The following DDAH1 variants were observed in gnomAD, a reference collection of about 807,000 sequenced individuals.
DDAH1 encodes the protein N(G),N(G)-dimethylarginine dimethylaminohydrolase 1.
In DDAH1, 19 loss-of-function variants were observed where a neutral mutation model predicts 28.8. That is an observed-to-expected ratio of 0.66 (90% confidence interval 0.46 to 0.97). The LOEUF (loss-of-function observed/expected upper bound fraction) is 0.97, where lower values mean the gene tolerates loss of function less well. Ranked by LOEUF, DDAH1 falls within the 50% of genes least tolerant of loss-of-function variation. The pLI, the probability that DDAH1 is intolerant of heterozygous loss-of-function variation, is 0.00. For synonymous variants in DDAH1, 153 were observed against 154.4 expected, an observed-to-expected ratio of 0.99 and a Z score of 0.07; for missense variants, 326 against 375.9, an observed-to-expected ratio of 0.87 and a Z score of 1.10.
intron 2 of DDAH1, among the ~76,000 whole-genome samples, chr1:85,474,292 A>C (rs1000511920): frequency 6.6e-6 from 1 of 152,170 alleles, no homozygotes; most frequent in East Asian, 1.9e-4. Context: ...TGAACTGCAA[A>C]TCTAACTGCC....
chr1:85,557,623 G>A (rs1365876784), intron 1 of DDAH1, among the ~76,000 whole-genome samples: 2 of 152,116 alleles, frequency 1.3e-5, no homozygotes, highest in Non-Finnish European at 2.9e-5. Flanking sequence ...AGTGTTATGG[G>A]CTAAATTGTG....
At position 85,464,401 on chromosome 1, in the gene DDAH1, G is replaced by C. The variant is rs1405276839; in HGVS notation, c.303+342C>G. 8.1e-7 allele frequency: 1 copy of C among 1,234,948 alleles called. No individual in the cohort carries two copies. Among genetic ancestry groups the C allele is most frequent in the Non-Finnish European group, 1.1e-6 (1 of 919,286 alleles). 76.5% of individuals were successfully genotyped at this position (1,234,948 alleles called of 1,614,324 possible). ...CGGAGCGGCACCCCTCGCGGCCCTC[G>C]CTCCCTGGGAAACACTCAGAGTTGC... On this transcript the variant is annotated intron_variant, in intron 1 of 5. Transcript: ENST00000284031. The surrounding 1 kb of genome is among the most constrained non-coding windows in gnomAD (Gnocchi z 4.4).
chr1:85,454,747 A>G (rs1271299377), intron 1 of DDAH1, among the ~76,000 whole-genome samples: 1 of 152,178 alleles, frequency 6.6e-6, no homozygotes, highest in African/African-American at 2.4e-5. Flanking sequence ...GACCCACTAA[A>G]TTGATTTCAT....
intron 1 of DDAH1, among the ~76,000 whole-genome samples, chr1:85,373,068 TTG>T (rs1650469064): frequency 6.6e-6 from 1 of 152,170 alleles, no homozygotes; most frequent in Non-Finnish European, 1.5e-5. Flanking sequence ...TATTCAAATC[TTG>T]AAATAAGTCC....
At position 85,545,656 on chromosome 1, in the gene DDAH1, T is replaced by A. The variant is rs1162107968; in HGVS notation, c.-123+32328A>T. Among the ~76,000 whole-genome samples, 3 of 152,260 alleles carry A rather than the reference T, an allele frequency of 2.0e-5. No individual in the cohort carries two copies. The East Asian group carries it at 5.8e-4, about 29-fold the overall frequency. ...CCCTTTCTTAATTTCCTTCCCCTCCTCCTAATTTTCTCCTAGCCCAAATAA... is the reference window on the plus strand; with the variant it reads ...CCCTTTCTTAATTTCCTTCCCCTCCACCTAATTTTCTCCTAGCCCAAATAA... On this transcript the variant is annotated intron_variant, in intron 1 of 6. Coordinates refer to the DDAH1 transcript ENST00000426972.
At chr1:85,501,279 G>C (rs763412708) in intron 1 of DDAH1, among the ~76,000 whole-genome samples, 2 of 152,114 alleles carry the variant, frequency 1.3e-5, no homozygotes, top group Non-Finnish European at 2.9e-5. Context: ...TGAGTCCAGG[G>C]CTAGAGTAGC....
At chr1:85,521,053 T>C (rs1187451954) in intron 1 of DDAH1, among the ~76,000 whole-genome samples, 3 of 152,174 alleles carry the variant, frequency 2.0e-5, no homozygotes, top group African/African-American at 7.2e-5. Context: ...CAGGTACAGT[T>C]ATTTAATAGA....
intron 1 of DDAH1, among the ~76,000 whole-genome samples, chr1:85,449,144 A>T (rs749520559): frequency 1.3e-4 from 20 of 152,236 alleles, no homozygotes; most frequent in Non-Finnish European, 2.4e-4. Flanking sequence ...GACTCTGGGC[A>T]AAACAAAGAA....
chr1:85,495,146 T>G (rs529733627), intron 2 of DDAH1: 2 of 133,324 alleles, frequency 1.5e-5, no homozygotes, highest in Non-Finnish European at 3.2e-5. Context: ...GAGCAACAGA[T>G]GTCTTTCTGT....
chr1:85,492,966 G>A (rs986905323), intron 2 of DDAH1, among the ~76,000 whole-genome samples: 4 of 151,966 alleles, frequency 2.6e-5, no homozygotes, highest in African/African-American at 4.8e-5. Context: ...ATAAAACTTG[G>A]CATATGTCAC....
At chr1:85,554,672 T>A (rs1307626938) in intron 1 of DDAH1, among the ~76,000 whole-genome samples, 1 of 152,320 alleles carries the variant, frequency 6.6e-6, no homozygotes, top group East Asian at 1.9e-4. Context: ...AAGCCTCAAA[T>A]CAAAACAAAT....
At chr1:85,355,589 A>G (rs1261977935) in intron 2 of DDAH1, among the ~76,000 whole-genome samples, 2 of 152,208 alleles carry the variant, frequency 1.3e-5, no homozygotes, top group Non-Finnish European at 2.9e-5. Flanking sequence ...AGAAAATCAT[A>G]TAATCATTTC....
intron 1 of DDAH1, among the ~76,000 whole-genome samples, chr1:85,571,659 T>C (rs1230663324): frequency 1.3e-5 from 2 of 152,228 alleles, no homozygotes; most frequent in African/African-American, 4.8e-5. Context: ...ATCTATCTTC[T>C]GGGTCTGCAA....
upstream of DDAH1, among the ~76,000 whole-genome samples, chr1:85,468,302 C>T (rs1189066884): frequency 6.6e-6 from 1 of 152,206 alleles, no homozygotes; most frequent in East Asian, 1.9e-4. Flanking sequence ...AACTCTTCTA[C>T]ATGTGGCATC....
intron 1 of DDAH1, among the ~76,000 whole-genome samples, chr1:85,557,102 G>C (rs547454049): frequency 6.6e-6 from 1 of 152,320 alleles, no homozygotes; most frequent in African/African-American, 2.4e-5. Context: ...GGGTGACAGA[G>C]CGAGACTCTG....
chr1:85,337,118 T>C (rs1244876724), intron 4 of DDAH1, among the ~76,000 whole-genome samples: 4 of 152,176 alleles, frequency 2.6e-5, no homozygotes, highest in African/African-American at 9.7e-5. Flanking sequence ...GATTAATAGA[T>C]GGTGTGTATT....
intron 1 of DDAH1, chr1:85,577,876 A>G (rs1659657837): frequency 2.7e-6 from 2 of 739,242 alleles, no homozygotes. Flanking sequence ...AAGGCAGCCC[A>G]AGGAAACAAG....
At chr1:85,340,104 T>C (rs1648381983) in intron 4 of DDAH1, among the ~76,000 whole-genome samples, 1 of 151,996 alleles carries the variant, frequency 6.6e-6, no homozygotes, top group African/African-American at 2.4e-5. Context: ...TGAAAATAAA[T>C]GGAAAAGGGT....
intron 1 of DDAH1, among the ~76,000 whole-genome samples, chr1:85,418,118 C>T (rs192542632): frequency 3.3e-5 from 5 of 152,320 alleles, no homozygotes; most frequent in Admixed American, 1.3e-4. Flanking sequence ...TCTTTTTGAA[C>T]CTCATTTGCT....
Sources: allele counts gnomAD v4.1 joint callset (sites outside exome capture counted in the v4.1 genomes callset), GRCh38; gene constraint gnomAD v4.1.1; non-coding constraint Gnocchi (gnomAD v3.1); transcripts MANE v1.5; gene names NCBI Gene and HGNC (gene_info 2026-07-23, HGNC 2026-07-21).